KDM3B: variants seen among roughly 807,000 people sequenced by gnomAD.
The protein encoded by KDM3B is lysine-specific demethylase 3B.
A neutral mutation model predicts 170.0 loss-of-function variants in KDM3B; 10 were observed. That is an observed-to-expected ratio of 0.06 (90% CI 0.04 to 0.10). KDM3B has a LOEUF of 0.10. Among genes scored for constraint, KDM3B ranks in the 10% least tolerant of loss-of-function variants. KDM3B has a pLI of 1.00. For synonymous variants in KDM3B, 831 were observed against 834.8 expected (o/e 1.00, Z 0.08); for missense variants, 1,394 against 2,195.2 (o/e 0.64, Z 7.29).
chr5:138,435,500 T>C, intron 23 of KDM3B, 120 bp from the exon 24 acceptor site: 2 of 701,526 alleles, frequency 2.9e-6, no homozygotes, highest in Non-Finnish European at 5.1e-6. Flanking sequence ...TGGGGATTGA[T>C]ACAGGAACGC....
At chr5:138,371,392 G>T (rs369104100) in intron 1 of KDM3B, among the ~76,000 whole-genome samples, 2 of 150,644 alleles carry the variant, frequency 1.3e-5, no homozygotes, top group East Asian at 3.9e-4. Flanking sequence ...GGAAGTCGAG[G>T]CTGTAGTGAG....
chr5:138,359,779 A>G (rs1761551535), intron 1 of KDM3B, among the ~76,000 whole-genome samples: 1 of 152,074 alleles, frequency 6.6e-6, no homozygotes, highest in South Asian at 2.1e-4. Flanking sequence ...TATCATAGTT[A>G]TCTCATGTAT....
At position 138,352,701 on chromosome 5, in the gene KDM3B, T is replaced by A; in HGVS notation, c.-95T>A. The A allele has an allele frequency of 1.2e-6, 1 of 827,728 alleles. No homozygotes were observed. 51.3% of individuals were successfully genotyped at this position (827,728 alleles called of 1,614,324 possible). A position where few individuals can be genotyped will look rare whatever the true frequency, so the allele number is the denominator to read the frequency against. ...GGTGGGGGGGAACGGCGGCCGCGGG[T>A]GGTGCGGAGGGAGGCCTTGCGGGCG... On this transcript the variant is annotated 5_prime_UTR_variant, in exon 1 of 24. Coordinates refer to ENST00000314358, the MANE Select transcript of KDM3B (RefSeq NM_016604.4).
intron 9 of KDM3B, among the ~76,000 whole-genome samples, chr5:138,396,452 T>C (rs1762549798): frequency 6.6e-6 from 1 of 152,160 alleles, no homozygotes; most frequent in Non-Finnish European, 1.5e-5. Context: ...AGGGAGGGTA[T>C]GGCTTGAGAG....
At chr5:138,415,324 T>G in intron 12 of KDM3B, 85 bp downstream of exon 12, 1 of 716,764 alleles carries the variant, frequency 1.4e-6, no homozygotes, top group Non-Finnish European at 2.3e-6. Context: ...TGAAATGATT[T>G]AGCCTCATTT....
intron 6 of KDM3B, among the ~76,000 whole-genome samples, chr5:138,383,776 C>G (rs958473032): frequency 1.3e-5 from 2 of 151,976 alleles, no homozygotes; most frequent in Non-Finnish European, 2.9e-5. Flanking sequence ...TGATGAAACC[C>G]TGTCTCTACT....
chr5:138,368,396 T>G (rs1465814745), intron 1 of KDM3B, among the ~76,000 whole-genome samples: 1 of 143,714 alleles, frequency 7.0e-6, no homozygotes, highest in African/African-American at 2.5e-5. Context: ...CCATGCCTGG[T>G]TTTTTTTTTC....
chr5:138,412,234 G>T (rs945010977), intron 11 of KDM3B, among the ~76,000 whole-genome samples: 1 of 151,660 alleles, frequency 6.6e-6, no homozygotes, highest in African/African-American at 2.4e-5. Context: ...TGCTTGGGAG[G>T]CTGAGGCAGG....
chr5:138,428,372 C>T (rs992035986), intron 20 of KDM3B, among the ~76,000 whole-genome samples: 22 of 152,126 alleles, frequency 1.4e-4, no homozygotes, highest in Non-Finnish European at 2.4e-4. Flanking sequence ...CCACCACGCC[C>T]GGCTAATTTT....
intron 6 of KDM3B, among the ~76,000 whole-genome samples, chr5:138,384,021 C>T (rs560771479): frequency 6.6e-6 from 1 of 151,570 alleles, no homozygotes; most frequent in Admixed American, 6.6e-5. Context: ...CTTTGGGAGG[C>T]CGAGGCGGCT....
At chr5:138,360,858 C>T (rs1051069499) in intron 1 of KDM3B, among the ~76,000 whole-genome samples, 1 of 152,188 alleles carries the variant, frequency 6.6e-6, no homozygotes, top group Non-Finnish European at 1.5e-5. Flanking sequence ...TCCCAAAGTG[C>T]TGGGATTACA....
At chr5:138,381,969 T>TC (rs1315195861) in intron 6 of KDM3B, among the ~76,000 whole-genome samples, 1 of 151,920 alleles carries the variant, frequency 6.6e-6, no homozygotes, top group Non-Finnish European at 1.5e-5. Context: ...CCACTTTTTT[T>TC]TTTTTTCCAT....
intron 15 of KDM3B, among the ~76,000 whole-genome samples, chr5:138,421,176 G>A (rs901899861): frequency 1.3e-5 from 2 of 152,126 alleles, no homozygotes; most frequent in South Asian, 2.1e-4. Flanking sequence ...GAAATGTTTC[G>A]GTCATCAGCA....
At chr5:138,419,278 A>G in intron 14 of KDM3B, 46 bp downstream of exon 14, 1 of 1,564,608 alleles carries the variant, frequency 6.4e-7, no homozygotes, top group Non-Finnish European at 8.7e-7. Flanking sequence ...AGAAATCATG[A>G]GTTTTTTCCA....
At chr5:138,402,364 T>A (rs901797724) in intron 11 of KDM3B, among the ~76,000 whole-genome samples, 2 of 152,238 alleles carry the variant, frequency 1.3e-5, no homozygotes, top group Non-Finnish European at 2.9e-5. Context: ...ATATAACCAT[T>A]GTACAGTGGT....
intron 5 of KDM3B, among the ~76,000 whole-genome samples, chr5:138,380,033 G>GT (rs1196164188): frequency 6.6e-6 from 1 of 152,150 alleles, no homozygotes; most frequent in Non-Finnish European, 1.5e-5. Context: ...AAGGTTAGTA[G>GT]TTGGAGTGCA....
At position 138,419,015 on chromosome 5, in the gene KDM3B, A is replaced by T. The variant is rs777115130; in HGVS notation, c.3498A>T (p.Gly1166=). 6.2e-7 allele frequency: 1 copy of T among 1,614,128 alleles called. No individual in the cohort carries two copies. The highest frequency in any genetic ancestry group is 1.7e-5 in the Admixed American group (1 of 60,016). The change falls in exon 14 of 24, where the codon GGA becomes GGT. Residue 1166 remains glycine, a synonymous_variant. Transcript: ENST00000314358. ...GNETTFSGGG[G]PAPVTTPEPD... is the part of the protein sequence containing the mutation. ...AAACTACCTTCTCTGGTGGAGGAGG[A>T]CCGGCACCAGTAACAACTCCAGAGC...
chr5:138,394,265 T>A (rs1387589554), intron 9 of KDM3B, among the ~76,000 whole-genome samples: 4 of 152,086 alleles, frequency 2.6e-5, no homozygotes, highest in African/African-American at 9.7e-5. Context: ...TTCCAGCTAC[T>A]CAGGAGGCTG....
intron 1 of KDM3B, among the ~76,000 whole-genome samples, chr5:138,356,960 G>C (rs1469829075): frequency 1.3e-5 from 2 of 151,054 alleles, no homozygotes; most frequent in African/African-American, 4.9e-5. Flanking sequence ...CTTTTTTTAT[G>C]GGTTGCTTTG....
Sources: gnomAD v4.1 joint callset for allele counts (sites outside exome capture counted in the v4.1 genomes callset) on GRCh38, gnomAD v4.1.1 for gene constraint, MANE v1.5 for transcripts, NCBI Gene and HGNC (gene_info 2026-07-23, HGNC 2026-07-21) for gene names.